Variants in TMEM101 observed in about 807,000 individuals in gnomAD.
TMEM101 encodes transmembrane protein 101.
TMEM101 carries 14 observed loss-of-function variants against 26.0 expected under a neutral mutation model. The ratio of observed to expected loss-of-function variants is 0.54; its 90% CI spans 0.36 to 0.84. The LOEUF (loss-of-function observed/expected upper bound fraction) is 0.84. Among genes scored for constraint, TMEM101 ranks in the 40% least tolerant of loss-of-function variants. The probability of loss-of-function intolerance (pLI) is 0.01; values close to 1 mark genes in which losing one functional copy is unlikely to be tolerated. For synonymous variants in TMEM101, 152 were observed against 145.1 expected (o/e 1.05, Z -0.34); for missense variants, 292 against 345.1 (o/e 0.85, Z 1.22).
At chr17:44,015,043 C>G, upstream of TMEM101, 1 of 1,483,216 alleles carries the variant, frequency 6.7e-7, no homozygotes, top group Non-Finnish European at 9.0e-7. Flanking sequence ...AGCGCTTTTT[C>G]TTTTTCCTCC....
In TMEM101 at chr17:44,013,169, A is replaced by G. The variant is rs1461359732; in HGVS notation, c.319-14T>C. 6.5e-6 allele frequency: 10 copies of G among 1,529,694 alleles called. No individual in the cohort carries two copies. Among genetic ancestry groups the G allele is most frequent in the African/African-American group, 1.4e-5 (1 of 73,046 alleles). 94.8% of individuals were successfully genotyped at this position (1,529,694 alleles called of 1,614,324 possible). A position where few individuals can be genotyped will look rare whatever the true frequency, so the allele number is the denominator to read the frequency against. On this transcript the variant is annotated splice_polypyrimidine_tract_variant and intron_variant, in intron 2 of 3. Transcript: ENST00000206380. ...GTACATACGGACCTAGGCCGGGGTA[A>G]GGGGACCCCAGTCAAGAACTGCAGC...
intron 2 of TMEM101, 55 bp downstream of exon 2, chr17:44,014,302 G>A (rs980287704): frequency 3.3e-6 from 5 of 1,519,162 alleles, no homozygotes; most frequent in South Asian, 1.2e-5. Context: ...CTGGGCATTG[G>A]CCTCTGATTC....
At position 44,012,072 on chromosome 17, in the gene TMEM101, C is replaced by T. The variant is rs775137559; in HGVS notation, c.630G>A (p.Leu210=). ...VTLAAQILAV[L]LPPVMLLIDG... is the part of the protein sequence containing the mutation. ...CAATGAGCAGCATGACAGGGGGCAG[C>T]AGTACAGCCAGGATCTGGGCAGCGA... Residue 210 remains leucine (L), a synonymous_variant, in exon 4 of 4, where the codon CTG becomes CTA. Coordinates refer to ENST00000206380, the MANE Select transcript of TMEM101 (RefSeq NM_032376.4). 6.2e-7 allele frequency: 1 copy of T among 1,614,214 alleles called. No individual in the cohort carries two copies. Among genetic ancestry groups the T allele is most frequent in the Admixed American group, 1.7e-5 (1 of 60,026 alleles).
At chr17:44,023,149 T>G (rs2049301564), upstream of TMEM101, 1 of 227,566 alleles carries the variant, frequency 4.4e-6, no homozygotes, top group African/African-American at 2.3e-5. Context: ...CGGCGCAGTC[T>G]GGGACCCTAG....
At chr17:44,015,822 A>T (rs751565891), upstream of TMEM101, among the ~76,000 whole-genome samples, 8 of 152,178 alleles carry the variant, frequency 5.3e-5, no homozygotes, top group Non-Finnish European at 1.2e-4. Flanking sequence ...CTCCTGGCTC[A>T]AAGTCACCTC....
chr17:44,020,914 G>A (rs1206397124), intron 2 of TMEM101, among the ~76,000 whole-genome samples: 1 of 152,224 alleles, frequency 6.6e-6, no homozygotes, highest in Non-Finnish European at 1.5e-5. Flanking sequence ...CTCATTCTCA[G>A]CCTCAGACAT....
At chr17:44,019,608 G>A (rs76424450), upstream of TMEM101, among the ~76,000 whole-genome samples, 2 of 152,324 alleles carry the variant, frequency 1.3e-5, no homozygotes, top group South Asian at 4.1e-4. Flanking sequence ...CTGGATGAAT[G>A]CCTCAAGGGG....
At chr17:44,014,563 C>CG in intron 1 of TMEM101, 26 bp from the exon 2 acceptor site, 1 of 1,568,162 alleles carries the variant, frequency 6.4e-7, no homozygotes, top group Non-Finnish European at 8.7e-7. Context: ...GGGGAAGCAA[C>CG]GAGGACAGAA....
chr17:44,019,245 T>C (rs766374951), upstream of TMEM101: 5 of 388,686 alleles, frequency 1.3e-5, no homozygotes, highest in Non-Finnish European at 2.5e-5. Context: ...CACCAGACTA[T>C]GGAGGATTCA....
chr17:44,013,220 A>G (rs1442055295), intron 2 of TMEM101, 65 bp from the exon 3 acceptor site: 6 of 1,419,008 alleles, frequency 4.2e-6, no homozygotes, highest in Non-Finnish European at 5.6e-6. Context: ...GGCTTCCCAG[A>G]GTGTAGAACC....
chr17:44,013,056 G>T lies in TMEM101; in HGVS notation c.418C>A (p.Leu140Met). 6.2e-7 allele frequency: 1 copy of T among 1,609,606 alleles called. No individual in the cohort carries two copies. Among genetic ancestry groups the T allele is most frequent in the Non-Finnish European group, 8.5e-7 (1 of 1,176,544 alleles). Residue 140 changes from leucine (L) to methionine (M), a missense_variant, in exon 3 of 4, where the codon CTG (leucine) becomes ATG (methionine). Leu to Met is a conservative substitution (Grantham distance 15, BLOSUM62 2). Coordinates refer to ENST00000206380, the MANE Select transcript of TMEM101 (RefSeq NM_032376.4). Reference protein sequence around the residue: ...LYRRKPRSRSLQSTGQVFLGI... With the variant: ...LYRRKPRSRSMQSTGQVFLGI... ...AGGAACACCTGGCCGGTGGACTGCA[G>T]GGAGCGGCTGCGAGGTTTCCGGCGG...
upstream of TMEM101, among the ~76,000 whole-genome samples, chr17:44,019,937 G>T (rs1446225752): frequency 6.6e-6 from 1 of 152,212 alleles, no homozygotes; most frequent in African/African-American, 2.4e-5. Context: ...TTGGGCTGCA[G>T]TAAGCAAACC....
upstream of TMEM101, chr17:44,019,300 G>A (rs1304994770): frequency 3.3e-5 from 14 of 418,600 alleles, no homozygotes; most frequent in East Asian, 1.5e-4. Context: ...CTCGAGAGTC[G>A]GACACTGCAC....
At position 44,014,353 on chromosome 17, in the gene TMEM101, T is replaced by G; in HGVS notation, c.318+4A>C. The G allele has an allele frequency of 6.5e-7, 1 of 1,545,532 alleles. No homozygotes were observed. The highest frequency in any genetic ancestry group is 8.8e-7 in the Non-Finnish European group (1 of 1,141,926). The stretch of plus-strand genomic sequence containing the variant: ...GAAGACCCTTTTGGGGCCGAGGCGC[T>G]CACCTTCAGCCAGTCCCCGTAGTGG... On this transcript the variant is annotated splice_donor_region_variant and intron_variant, in intron 2 of 3. Transcript: ENST00000206380.
upstream of TMEM101, chr17:44,019,392 C>A (rs185802481): frequency 5.2e-3 from 1,938 of 372,164 alleles, 30 homozygotes; most frequent in Non-Finnish European, 4.7e-3. Context: ...CGTGCACAGA[C>A]GAGGAGAGGT....
chr17:44,020,279 A>C (rs2049273885), intron 2 of TMEM101, among the ~76,000 whole-genome samples: 1 of 152,198 alleles, frequency 6.6e-6, no homozygotes, highest in African/African-American at 2.4e-5. Context: ...TAGGATTCGC[A>C]TACCTAGAGG....
chr17:44,014,078 AC>A (rs1398485686), intron 2 of TMEM101, among the ~76,000 whole-genome samples: 3 of 152,210 alleles, frequency 2.0e-5, no homozygotes, highest in Admixed American at 2.0e-4. Context: ...GAACCAGGTG[AC>A]CGGGGTTCTG....
intron 3 of TMEM101, 161 bp from the exon 4 acceptor site, chr17:44,012,397 C>T (rs1316752663): frequency 1.8e-5 from 12 of 664,782 alleles, no homozygotes; most frequent in East Asian, 8.2e-5. Flanking sequence ...GTCTCCCCCT[C>T]GGACTATGGA....
chr17:44,014,670 A>G (rs1226347752), intron 1 of TMEM101, 133 bp from the exon 2 acceptor site: 2 of 1,493,392 alleles, frequency 1.3e-6, no homozygotes, highest in African/African-American at 2.8e-5. Flanking sequence ...GGACCGCCCT[A>G]CCAGATTTGG....
Sources: allele counts gnomAD v4.1 joint callset (sites outside exome capture counted in the v4.1 genomes callset), GRCh38; gene constraint gnomAD v4.1.1; transcripts MANE v1.5; gene names NCBI Gene and HGNC (gene_info 2026-07-23, HGNC 2026-07-21).